The following DENND4C variants were observed in gnomAD, a reference collection of about 807,000 sequenced individuals.
DENND4C encodes DENN domain containing 4C, also known as DENN domain-containing protein 4C.
A neutral mutation model predicts 203.0 loss-of-function variants in DENND4C; 108 were observed. The observed-to-expected ratio is 0.53, with a 90% CI of 0.46 to 0.62. The LOEUF (loss-of-function observed/expected upper bound fraction) is 0.62, where lower values mean the gene tolerates loss of function less well. DENND4C is among the 20% of genes least tolerant of loss of function. The pLI is 0.00. For synonymous variants in DENND4C, 871 were observed against 792.4 expected (o/e 1.10, Z -1.67); for missense variants, 2,481 against 2,301.2 (o/e 1.08, Z -1.60).
chr9:19,345,605 ATTCT>A (rs891457198), intron 22 of DENND4C, among the ~76,000 whole-genome samples: 3 of 152,218 alleles, frequency 2.0e-5, no homozygotes, highest in Non-Finnish European at 2.9e-5. Context: ...GATGGAAGAG[ATTCT>A]TTCTTTTTCT....
Position 19,336,276 on chromosome 9 carries a change from T to C in DENND4C, c.2596T>C (p.Leu866=), listed in dbSNP as rs761144248. The C allele has an allele frequency of 6.2e-7, 1 of 1,612,118 alleles. No individual in the cohort carries two copies. The highest frequency in any genetic ancestry group is 2.2e-5 in the East Asian group (1 of 44,874). ...ITYGYYNKVV[L]ESPWPSSTRS... is the part of the protein sequence containing the mutation. ...ACCCTTATTTTACCTTTAGGTAGTC[T>C]TGGAGAGCCCGTGGCCTAGCAGTAC... is the stretch of plus-strand genomic sequence containing the variant. Residue 866 remains leucine, a synonymous_variant, in exon 19 of 33, where the codon TTG becomes CTG. Transcript: ENST00000434457.
Position 19,369,954 on chromosome 9 carries a change from C to G in DENND4C, c.5642C>G (p.Ser1881Ter). The change falls in exon 31 of 33, where the codon TCA becomes TGA. Residue 1881 changes from serine to a stop codon, truncating the protein, a stop_gained. Coordinates refer to ENST00000434457, the MANE Select transcript of DENND4C (RefSeq NM_001330640.2). LOFTEE classifies it high-confidence loss of function. ...GTTCTTAAACCCATCAACCTACTTT[C>G]ACAGCAAATGAAGCCAGGCATGAAA... Reference protein sequence around the residue: ...NNVLKPINLLSQQMKPGMKRQ... With the variant: ...NNVLKPINLL 3 of 1,613,868 alleles carry G rather than the reference C, an allele frequency of 1.9e-6. No homozygotes were observed. The highest frequency in any genetic ancestry group is 2.5e-6 in the Non-Finnish European group (3 of 1,179,916).
intron 20 of DENND4C, among the ~76,000 whole-genome samples, chr9:19,338,734 A>C (rs1265333338): frequency 6.6e-6 from 1 of 152,216 alleles, no homozygotes; most frequent in Non-Finnish European, 1.5e-5. Flanking sequence ...TCATGGCACC[A>C]CATTGCTTTA....
chr9:19,240,010 G>A (rs1432935311), intron 1 of DENND4C, among the ~76,000 whole-genome samples: 1 of 152,088 alleles, frequency 6.6e-6, no homozygotes, highest in African/African-American at 2.4e-5. Context: ...GCATCAGTGA[G>A]GAGTGTTGAA....
At chr9:19,283,510 G>C (rs1158280672) in intron 2 of DENND4C, among the ~76,000 whole-genome samples, 1 of 151,814 alleles carries the variant, frequency 6.6e-6, no homozygotes, top group Non-Finnish European at 1.5e-5. Context: ...AGTATATGCA[G>C]TCTGTGCTTG....
chr9:19,260,741 T>C (rs1479815705), intron 1 of DENND4C, among the ~76,000 whole-genome samples: 1 of 152,176 alleles, frequency 6.6e-6, no homozygotes, highest in East Asian at 1.9e-4. Flanking sequence ...AGTTTGCAAA[T>C]ATTTTCTCCC....
intron 1 of DENND4C, among the ~76,000 whole-genome samples, chr9:19,272,024 C>G (rs1315133481): frequency 6.6e-6 from 1 of 151,938 alleles, no homozygotes; most frequent in Non-Finnish European, 1.5e-5. Flanking sequence ...ATAAAGAATC[C>G]AGAAATAAAT....
At chr9:19,303,162 C>G (rs953672708) in intron 9 of DENND4C, among the ~76,000 whole-genome samples, 2 of 152,084 alleles carry the variant, frequency 1.3e-5, no homozygotes, top group African/African-American at 4.8e-5. Context: ...AATCTGAAGT[C>G]CTAAATGCTT....
At chr9:19,244,973 GA>G (rs1157350535) in intron 1 of DENND4C, among the ~76,000 whole-genome samples, 3 of 152,042 alleles carry the variant, frequency 2.0e-5, no homozygotes, top group Non-Finnish European at 2.9e-5. Flanking sequence ...AAGAATAATA[GA>G]AAAAAACTTT....
intron 1 of DENND4C, among the ~76,000 whole-genome samples, chr9:19,271,984 G>T (rs868519127): frequency 3.3e-5 from 5 of 152,076 alleles, no homozygotes; most frequent in African/African-American, 1.2e-4. Flanking sequence ...TGTAGTACTG[G>T]CATATAGACA....
chr9:19,328,645 GTCTGTCTGTCTGTCTA>G (rs1189621215), intron 16 of DENND4C, among the ~76,000 whole-genome samples: 1 of 127,946 alleles, frequency 7.8e-6, no homozygotes, highest in Non-Finnish European at 1.6e-5. Context: ...CTGTCTGTCT[GTCTGTCTGTCTGTCTA>G]TCTATCTATC....
intron 16 of DENND4C, 50 bp downstream of exon 16, chr9:19,328,212 A>G (rs1233970139): frequency 3.3e-6 from 5 of 1,512,974 alleles, no homozygotes; most frequent in Non-Finnish European, 4.5e-6. Context: ...TAAAATATGT[A>G]TATGTGATAT....
rs998170119 is a variant in DENND4C, at chr9:19,271,316, C to T, written c.-17-4842C>T. Among the ~76,000 whole-genome samples, 4 of 151,356 alleles carry T rather than the reference C, an allele frequency of 2.6e-5. No homozygotes were observed. In the East Asian group the frequency reaches 5.9e-4, roughly 22 times the overall value. Reference sequence around the variant, plus strand: ...ACTAATTCAAGTGATTCTCATGCCTCAGCGTCCCGAGTAGCTGGGATTACA... The same window carrying T: ...ACTAATTCAAGTGATTCTCATGCCTTAGCGTCCCGAGTAGCTGGGATTACA... On this transcript the variant is annotated intron_variant, in intron 1 of 32. Coordinates refer to ENST00000434457, the MANE Select transcript of DENND4C (RefSeq NM_001330640.2).
intron 2 of DENND4C, among the ~76,000 whole-genome samples, chr9:19,280,140 G>GCATTCCTC (rs1554717094): frequency 6.7e-6 from 1 of 149,222 alleles, no homozygotes; most frequent in Non-Finnish European, 1.5e-5. Flanking sequence ...CTACCTGCCT[G>GCATTCCTC]CCTTCCTCCC....
At chr9:19,303,823 A>G (rs570039672) in intron 9 of DENND4C, among the ~76,000 whole-genome samples, 1 of 152,262 alleles carries the variant, frequency 6.6e-6, no homozygotes, top group South Asian at 2.1e-4. Flanking sequence ...CATTATCATC[A>G]GTAAAATTTT....
chr9:19,332,056 T>A lies in DENND4C; in HGVS notation c.2332T>A (p.Cys778Ser). The change falls in exon 17 of 33, where the codon TGT (cysteine) becomes AGT (serine). Residue 778 changes from cysteine to serine, a missense_variant. Physicochemically the swap from Cys to Ser is moderately radical, Grantham distance 112. Transcript: ENST00000434457. ...GTGGGCCAAGTGTCTGTTTAGTCAT[T>A]GTTACAGTTTATGGTTTATTTGTCT... ...PQWAKCLFSH[C>S]YSLWFICLPA... The A allele has an allele frequency of 2.5e-6, 4 of 1,614,090 alleles. No individual in the cohort carries two copies. The highest frequency in any genetic ancestry group is 3.4e-6 in the Non-Finnish European group (4 of 1,180,002).
intron 9 of DENND4C, among the ~76,000 whole-genome samples, chr9:19,303,939 CT>C (rs1839116245): frequency 6.6e-6 from 1 of 151,060 alleles, no homozygotes; most frequent in African/African-American, 2.4e-5. Context: ...CCTTGAACTA[CT>C]GGCCTCAAGC....
chr9:19,321,954 T>C (rs1405554365), intron 12 of DENND4C, among the ~76,000 whole-genome samples: 2 of 151,810 alleles, frequency 1.3e-5, no homozygotes, highest in African/African-American at 4.8e-5. Context: ...GAGGGACATA[T>C]CCACTGTAAA....
chr9:19,360,535 G>C, intron 29 of DENND4C, 46 bp downstream of exon 29: 1 of 1,609,256 alleles, frequency 6.2e-7, no homozygotes, highest in Non-Finnish European at 8.5e-7. Flanking sequence ...AGTAGGATGA[G>C]GCTTAACTTC....
Sources: gnomAD v4.1 joint callset for allele counts (sites outside exome capture counted in the v4.1 genomes callset) on GRCh38, gnomAD v4.1.1 for gene constraint, MANE v1.5 for transcripts, NCBI Gene and HGNC (gene_info 2026-07-23, HGNC 2026-07-21) for gene names.